The following CHL1 variants were observed in gnomAD, a reference collection of about 807,000 sequenced individuals.
CHL1 encodes the protein neural cell adhesion molecule L1-like protein.
CHL1 carries 96 observed loss-of-function variants against 141.9 expected under a neutral mutation model. The ratio of observed to expected loss-of-function variants is 0.68; its 90% CI spans 0.57 to 0.80. The LOEUF is 0.80. CHL1 is among the 30% of genes least tolerant of loss of function. CHL1 has a pLI of 0.00. For missense variants in CHL1, 1,820 were observed against 1,457.2 expected (o/e 1.25, Z -4.05); for synonymous variants, 613 against 502.2 (o/e 1.22, Z -2.95).
chr3:395,577 CAG>C (rs1415629252), intron 24 of CHL1, among the ~76,000 whole-genome samples: 2 of 152,076 alleles, frequency 1.3e-5, no homozygotes, highest in Admixed American at 6.5e-5. Context: ...CGAAGTGAAA[CAG>C]AGAGAGATTT....
At chr3:212,801 T>A (rs1480465463) in intron 1 of CHL1, among the ~76,000 whole-genome samples, 2 of 152,216 alleles carry the variant, frequency 1.3e-5, no homozygotes, top group African/African-American at 4.8e-5. Context: ...CAGTTCCTGC[T>A]GTCTTTTCTT....
intron 4 of CHL1, among the ~76,000 whole-genome samples, chr3:326,601 A>C (rs750543401): frequency 1.8e-4 from 27 of 151,984 alleles, no homozygotes; most frequent in Non-Finnish European, 3.4e-4. Flanking sequence ...GAATTAAATA[A>C]TTGTTATTCT....
At chr3:269,665 A>C (rs139269071) in intron 2 of CHL1, among the ~76,000 whole-genome samples, 98 of 152,324 alleles carry the variant, frequency 6.4e-4, no homozygotes, top group African/African-American at 2.1e-3. Flanking sequence ...AGCTGGGATT[A>C]CAGGCATGCG....
chr3:253,283 A>G (rs1271219368), intron 2 of CHL1, among the ~76,000 whole-genome samples: 2 of 152,146 alleles, frequency 1.3e-5, no homozygotes, highest in Non-Finnish European at 2.9e-5. Flanking sequence ...CCTTAGCACC[A>G]TAGTTATAGA....
Position 343,038 on chromosome 3 carries a change from T to C in CHL1, c.727+7T>C. Reference sequence around the variant, plus strand: ...ACAGAAATTGGTTCCAAGGGTAAGTTGAACCCATGTGGAGTGTTGGCATTT... The same window carrying C: ...ACAGAAATTGGTTCCAAGGGTAAGTCGAACCCATGTGGAGTGTTGGCATTT... On this transcript the variant is annotated splice_region_variant and intron_variant, in intron 8 of 27. Transcript: ENST00000256509. 6.2e-7 allele frequency: 1 copy of C among 1,605,744 alleles called. No individual in the cohort carries two copies. Among genetic ancestry groups the C allele is most frequent in the Non-Finnish European group, 8.5e-7 (1 of 1,176,278 alleles).
intron 2 of CHL1, among the ~76,000 whole-genome samples, chr3:278,369 G>A (rs373853335): frequency 8.9e-4 from 136 of 152,260 alleles, no homozygotes; most frequent in African/African-American, 3.0e-3. Flanking sequence ...GCTAAGTGGC[G>A]GCTAATGTGG....
At chr3:347,493 T>C (rs1344519417) in intron 9 of CHL1, among the ~76,000 whole-genome samples, 2 of 152,220 alleles carry the variant, frequency 1.3e-5, no homozygotes, top group Non-Finnish European at 2.9e-5. Context: ...TTTCACATAA[T>C]ACTTTAGATC....
At chr3:346,476 TTTC>T (rs1019645079) in intron 9 of CHL1, among the ~76,000 whole-genome samples, 12 of 152,224 alleles carry the variant, frequency 7.9e-5, no homozygotes, top group African/African-American at 2.9e-4. Flanking sequence ...GTAATTCTTT[TTTC>T]TTATTTCCCA....
chr3:214,348 A>T (rs966899031), intron 1 of CHL1, among the ~76,000 whole-genome samples: 1 of 152,186 alleles, frequency 6.6e-6, no homozygotes, highest in Non-Finnish European at 1.5e-5. Context: ...ATGTGAAACA[A>T]AAAAAGAGAA....
At chr3:298,600 T>C (rs984737963) in intron 2 of CHL1, among the ~76,000 whole-genome samples, 4 of 152,206 alleles carry the variant, frequency 2.6e-5, no homozygotes, top group South Asian at 2.1e-4. Context: ...ATTTGATAGA[T>C]AGGGACTGTC....
intron 3 of CHL1, among the ~76,000 whole-genome samples, chr3:321,061 C>G (rs1025311326): frequency 1.1e-4 from 17 of 152,142 alleles, no homozygotes; most frequent in Admixed American, 7.9e-4. Context: ...AGTGCTCAGA[C>G]AGACTGAATG....
At chr3:280,494 T>C (rs1477057601) in intron 2 of CHL1, among the ~76,000 whole-genome samples, 1 of 152,190 alleles carries the variant, frequency 6.6e-6, no homozygotes, top group Non-Finnish European at 1.5e-5. Flanking sequence ...TGCTGAATAA[T>C]TTAGATAAGA....
At chr3:333,158 G>C (rs1205559213) in intron 5 of CHL1, among the ~76,000 whole-genome samples, 2 of 30,202 alleles carry the variant, frequency 6.6e-5, no homozygotes, top group Non-Finnish European at 2.3e-4. Flanking sequence ...TGCTGCTGCA[G>C]AAAAGAGCAA....
intron 1 of CHL1, among the ~76,000 whole-genome samples, chr3:209,782 G>T (rs944498464): frequency 6.6e-5 from 10 of 152,172 alleles, no homozygotes; most frequent in Admixed American, 5.9e-4. Flanking sequence ...TCATTGAACA[G>T]AACCCAAATC....
chr3:331,776 C>T (rs1701460202), intron 5 of CHL1, among the ~76,000 whole-genome samples: 1 of 152,030 alleles, frequency 6.6e-6, no homozygotes, highest in Non-Finnish European at 1.5e-5. Flanking sequence ...AAAGTGGCAA[C>T]ATATATAAAC....
intron 2 of CHL1, among the ~76,000 whole-genome samples, chr3:258,655 C>T (rs1236757772): frequency 6.6e-6 from 1 of 152,180 alleles, no homozygotes; most frequent in Non-Finnish European, 1.5e-5. Context: ...CTTTTTCCAT[C>T]TTCGGACCTT....
At chr3:214,372 T>A (rs1335068850) in intron 1 of CHL1, among the ~76,000 whole-genome samples, 1 of 152,190 alleles carries the variant, frequency 6.6e-6, no homozygotes, top group Non-Finnish European at 1.5e-5. Flanking sequence ...TAATAATGAC[T>A]TCAAATATTA....
intron 11 of CHL1, among the ~76,000 whole-genome samples, chr3:359,336 C>G (rs928455906): frequency 2.6e-5 from 4 of 151,728 alleles, no homozygotes; most frequent in African/African-American, 9.7e-5. Flanking sequence ...TAAAGTCTCT[C>G]TCCATCACCC....
At chr3:352,112 T>G (rs1703318261) in intron 10 of CHL1, among the ~76,000 whole-genome samples, 1 of 152,184 alleles carries the variant, frequency 6.6e-6, no homozygotes, top group African/African-American at 2.4e-5. Context: ...AGCCATAGTA[T>G]AATCCAAAAT....
Sources: allele counts gnomAD v4.1 joint callset (sites outside exome capture counted in the v4.1 genomes callset), GRCh38; gene constraint gnomAD v4.1.1; transcripts MANE v1.5; gene names NCBI Gene and HGNC (gene_info 2026-07-23, HGNC 2026-07-21).